The following GPC6 variants were observed in gnomAD, a reference collection of about 807,000 sequenced individuals.
GPC6 encodes glypican-6.
GPC6 carries 14 observed loss-of-function variants against 55.2 expected under a neutral mutation model. The ratio of observed to expected loss-of-function variants is 0.25; its 90% CI spans 0.17 to 0.40. The LOEUF is 0.40. GPC6 is among the 10% of genes least tolerant of loss of function. The pLI is 1.00. For missense variants in GPC6, 641 were observed against 708.5 expected (o/e 0.90, Z 1.08); for synonymous variants, 278 against 259.6 (o/e 1.07, Z -0.68).
intron 4 of GPC6, among the ~76,000 whole-genome samples, chr13:94,103,858 C>A (rs1285465543): frequency 1.3e-5 from 2 of 152,116 alleles, no homozygotes; most frequent in South Asian, 2.1e-4. Flanking sequence ...ATGGTAGTTT[C>A]TTTTGCTGTG....
intron 3 of GPC6, among the ~76,000 whole-genome samples, chr13:93,942,081 C>T (rs971552992): frequency 1.3e-5 from 2 of 152,116 alleles, no homozygotes. Context: ...GCAATTTTTA[C>T]TACATAAGAA....
At chr13:93,730,582 T>A (rs1299148455) in intron 2 of GPC6, among the ~76,000 whole-genome samples, 1 of 152,180 alleles carries the variant, frequency 6.6e-6, no homozygotes, top group African/African-American at 2.4e-5. Context: ...CTAGACTGCA[T>A]GAGATCACAT....
intron 1 of GPC6, among the ~76,000 whole-genome samples, chr13:93,468,892 A>G (rs1879009592): frequency 6.6e-6 from 1 of 152,152 alleles, no homozygotes; most frequent in Non-Finnish European, 1.5e-5. Context: ...TTTATTGCAA[A>G]TGACACTAAT....
At chr13:94,016,842 T>C (rs1460728645) in intron 3 of GPC6, among the ~76,000 whole-genome samples, 1 of 152,064 alleles carries the variant, frequency 6.6e-6, no homozygotes. Context: ...AGTTTTCTTT[T>C]TTTTTTTTTG....
chr13:94,391,131 A>C (rs1880627061), intron 7 of GPC6, among the ~76,000 whole-genome samples: 1 of 152,180 alleles, frequency 6.6e-6, no homozygotes, highest in Non-Finnish European at 1.5e-5. Context: ...GTGTTCTCCA[A>C]AAGCATCCCC....
At chr13:94,257,370 A>T (rs1422781799) in intron 4 of GPC6, among the ~76,000 whole-genome samples, 1 of 152,218 alleles carries the variant, frequency 6.6e-6, no homozygotes, top group Non-Finnish European at 1.5e-5. Context: ...CCAGAGCAGG[A>T]GTGGGTAGAT....
chr13:93,775,078 A>G lies in GPC6; in HGVS notation c.320-55076A>G, dbSNP rs150050886. ...CATATATAATAGAACAGTGATAACAACACGTTCTGTACTTATTGCTAATGT... is the reference window on the plus strand; with the variant it reads ...CATATATAATAGAACAGTGATAACAGCACGTTCTGTACTTATTGCTAATGT... On this transcript the variant is annotated intron_variant, in intron 2 of 8. Transcript: ENST00000377047. Among the ~76,000 whole-genome samples, 782 of 152,342 alleles carry G rather than the reference A, an allele frequency of 5.1e-3. 10 individuals are homozygous for G. The highest frequency in any genetic ancestry group is 0.018 in the African/African-American group (731 of 41,588).
chr13:93,535,308 G>T (rs969016060), intron 1 of GPC6, among the ~76,000 whole-genome samples: 1 of 152,104 alleles, frequency 6.6e-6, no homozygotes, highest in South Asian at 2.1e-4. Flanking sequence ...ATACTTGTAG[G>T]TGTCAGAAGG....
intron 7 of GPC6, among the ~76,000 whole-genome samples, chr13:94,395,296 T>C (rs1880849257): frequency 6.6e-6 from 1 of 152,234 alleles, no homozygotes; most frequent in Admixed American, 6.5e-5. Flanking sequence ...ACAGAAGTTA[T>C]GCTTTATGGC....
chr13:93,239,061 G>T (rs185260810), intron 1 of GPC6, among the ~76,000 whole-genome samples: 4 of 151,870 alleles, frequency 2.6e-5, no homozygotes, highest in Middle Eastern at 3.4e-3. Context: ...TTTTTTTGTC[G>T]TGTCTTTCCT....
intron 3 of GPC6, among the ~76,000 whole-genome samples, chr13:94,023,204 G>A (rs9524313): frequency 0.13 from 19,602 of 151,602 alleles, 1,543 homozygotes; most frequent in East Asian, 0.33. Flanking sequence ...AGCCCTCTAA[G>A]CTTGAGGTGT....
At chr13:94,291,018 C>A (rs369318569) in intron 5 of GPC6, among the ~76,000 whole-genome samples, 6 of 152,038 alleles carry the variant, frequency 3.9e-5, no homozygotes, top group African/African-American at 1.4e-4. Flanking sequence ...ATGGCGAAAC[C>A]CCGTCTCTAC....
At chr13:94,096,474 G>T (rs1885663089) in intron 4 of GPC6, among the ~76,000 whole-genome samples, 1 of 152,064 alleles carries the variant, frequency 6.6e-6, no homozygotes, top group African/African-American at 2.4e-5. Flanking sequence ...GCTCTTTATT[G>T]TTTCAGAGTC....
intron 1 of GPC6, among the ~76,000 whole-genome samples, chr13:93,332,344 G>A (rs1879884160): frequency 6.6e-6 from 1 of 150,782 alleles, no homozygotes; most frequent in Non-Finnish European, 1.5e-5. Context: ...ACAGTGTGTA[G>A]GAATTCTCTT....
intron 4 of GPC6, among the ~76,000 whole-genome samples, chr13:94,068,881 G>A (rs1468631095): frequency 3.3e-5 from 5 of 152,230 alleles, no homozygotes; most frequent in Admixed American, 6.5e-5. Flanking sequence ...CTCCCTTCAC[G>A]GGCTAGCATT....
chr13:94,159,630 G>A (rs984351181), intron 4 of GPC6, among the ~76,000 whole-genome samples: 1 of 152,062 alleles, frequency 6.6e-6, no homozygotes, highest in Non-Finnish European at 1.5e-5. Context: ...GATTTGGGTG[G>A]GGACACAGCC....
At chr13:94,173,287 G>A (rs936118920) in intron 4 of GPC6, among the ~76,000 whole-genome samples, 5 of 152,010 alleles carry the variant, frequency 3.3e-5, no homozygotes, top group African/African-American at 1.2e-4. Flanking sequence ...AAGACTCAGG[G>A]GTACACACAA....
intron 2 of GPC6, among the ~76,000 whole-genome samples, chr13:93,708,063 G>A (rs531340964): frequency 6.6e-6 from 1 of 151,798 alleles, no homozygotes; most frequent in African/African-American, 2.4e-5. Flanking sequence ...TCATGTTGAA[G>A]AATAAACATC....
intron 7 of GPC6, among the ~76,000 whole-genome samples, chr13:94,396,557 A>G (rs1239544040): frequency 6.6e-6 from 1 of 152,220 alleles, no homozygotes; most frequent in Non-Finnish European, 1.5e-5. Flanking sequence ...TGGCCCCCTT[A>G]CAAAAGGGTG....
Sources: allele counts gnomAD v4.1 joint callset (sites outside exome capture counted in the v4.1 genomes callset), GRCh38; gene constraint gnomAD v4.1.1; transcripts MANE v1.5; gene names NCBI Gene and HGNC (gene_info 2026-07-23, HGNC 2026-07-21).